FRY: variants seen among roughly 807,000 people sequenced by gnomAD.
The protein encoded by FRY is FRY microtubule binding protein.
FRY carries 128 observed loss-of-function variants against 348.4 expected under a neutral mutation model. The ratio of observed to expected loss-of-function variants is 0.37; its 90% confidence interval spans 0.32 to 0.43. The LOEUF (loss-of-function observed/expected upper bound fraction) is 0.43. Among genes scored for constraint, FRY ranks in the 20% least tolerant of loss-of-function variants. The probability of loss-of-function intolerance (pLI) is 1.00; values close to 1 mark genes in which losing one functional copy is unlikely to be tolerated. For missense variants in FRY, 2,736 were observed against 3,695.2 expected, an observed-to-expected ratio of 0.74 and a Z score of 6.73; for synonymous variants, 1,370 against 1,374.7, an observed-to-expected ratio of 1.00 and a Z score of 0.08.
At chr13:32,271,793 G>A (rs1888217728) in intron 55 of FRY, among the ~76,000 whole-genome samples, 2 of 152,222 alleles carry the variant, frequency 1.3e-5, no homozygotes, top group Admixed American at 1.3e-4. Flanking sequence ...CGCCACTCCA[G>A]CAGCAAGGCA....
intron 3 of FRY, among the ~76,000 whole-genome samples, chr13:32,106,855 G>A (rs1877582826): frequency 1.3e-5 from 2 of 152,194 alleles, no homozygotes; most frequent in Non-Finnish European, 2.9e-5. Flanking sequence ...AATGCCCAAA[G>A]TAGAACTATT....
chr13:32,216,783 G>T (rs1885016429), intron 35 of FRY, among the ~76,000 whole-genome samples: 1 of 152,296 alleles, frequency 6.6e-6, no homozygotes, highest in East Asian at 1.9e-4. Context: ...TGGCCGATTT[G>T]TATGAAACTA....
intron 47 of FRY, 119 bp downstream of exon 47, chr13:32,244,301 A>G (rs1886662969): frequency 3.3e-6 from 3 of 911,642 alleles, no homozygotes; most frequent in Non-Finnish European, 5.4e-6. Flanking sequence ...CTTGACATCC[A>G]TGGCACAGCC....
At chr13:32,194,110 T>A in intron 28 of FRY, 33 bp from the exon 29 acceptor site, 1 of 1,591,798 alleles carries the variant, frequency 6.3e-7, no homozygotes, top group Non-Finnish European at 8.6e-7. Flanking sequence ...TTTCATCAAA[T>A]GGGAATAATA....
At chr13:32,282,817 A>G (rs764798545) in intron 58 of FRY, among the ~76,000 whole-genome samples, 5 of 152,216 alleles carry the variant, frequency 3.3e-5, no homozygotes, top group Non-Finnish European at 4.4e-5. Context: ...CTTGCACAAT[A>G]TTAACTGACC....
intron 1 of FRY, 80 bp from the exon 2 acceptor site, chr13:32,078,754 A>G: frequency 9.7e-7 from 1 of 1,034,520 alleles, no homozygotes. Flanking sequence ...TCATATCCTG[A>G]TATTTATGGT....
rs764829135 is a variant in FRY at position 32,237,346 on chromosome 13, C to A, written c.5811-33C>A. ...ACTGGCTTTTGGTGACACATGTTGG[C>A]ATCCTATTAAACTTATTTATTTTTA... On this transcript the variant is annotated intron_variant, in intron 43 of 60. Transcript: ENST00000542859. This position sits in a 1 kb window ranked among gnomAD's most constrained non-coding sequence, Gnocchi z 6.3. 1 of 1,609,902 alleles carries A rather than the reference C, an allele frequency of 6.2e-7. No homozygotes were observed. The highest frequency in any genetic ancestry group is 8.5e-7 in the Non-Finnish European group (1 of 1,178,788).
Position 32,173,562 on chromosome 13 carries a change from C to A in FRY, c.2334+13C>A. 1 of 1,599,640 alleles carries A rather than the reference C, an allele frequency of 6.3e-7. No individual in the cohort carries two copies. Among genetic ancestry groups the A allele is most frequent in the Non-Finnish European group, 8.6e-7 (1 of 1,167,732 alleles). On this transcript the variant is annotated intron_variant, in intron 19 of 60. Transcript: ENST00000542859. Reference sequence around the variant, plus strand: ...GGGGCAGCCTGAGGTATGGATTAGTCTTCTGAATTTTTCCATTTCTTACTT... The same window carrying A: ...GGGGCAGCCTGAGGTATGGATTAGTATTCTGAATTTTTCCATTTCTTACTT...
chr13:32,101,833 T>A, intron 2 of FRY, 130 bp from the exon 3 acceptor site: 1 of 640,776 alleles, frequency 1.6e-6, no homozygotes. Flanking sequence ...CTCACTCATT[T>A]AAAAATTGGT....
intron 3 of FRY, among the ~76,000 whole-genome samples, chr13:32,110,084 C>T (rs1349475054): frequency 6.6e-6 from 1 of 152,198 alleles, no homozygotes; most frequent in Non-Finnish European, 1.5e-5. Context: ...AAGGCTTTTG[C>T]TGCAATGGCT....
intron 11 of FRY, among the ~76,000 whole-genome samples, chr13:32,140,525 C>T (rs1879997138): frequency 6.6e-6 from 1 of 152,074 alleles, no homozygotes; most frequent in Non-Finnish European, 1.5e-5. Flanking sequence ...CAGTAGCACT[C>T]CCTGGTCTCT....
intron 31 of FRY, among the ~76,000 whole-genome samples, chr13:32,207,337 A>C (rs1309238672): frequency 6.6e-6 from 1 of 152,154 alleles, no homozygotes; most frequent in Non-Finnish European, 1.5e-5. Flanking sequence ...TGCACCCAGA[A>C]GTCATTTTCC....
At chr13:32,183,389 A>G (rs980764282) in intron 24 of FRY, among the ~76,000 whole-genome samples, 1 of 152,238 alleles carries the variant, frequency 6.6e-6, no homozygotes, top group South Asian at 2.1e-4. Flanking sequence ...AATTTGTTTC[A>G]TCTGGCATAC....
intron 42 of FRY, 66 bp from the exon 43 acceptor site, chr13:32,236,012 A>T (rs1181065820): frequency 1.1e-5 from 12 of 1,111,612 alleles, no homozygotes; most frequent in Non-Finnish European, 1.5e-5. Flanking sequence ...ACATTAATTA[A>T]ATTTATCTTA....
At chr13:32,223,797 C>T (rs1040917176) in intron 36 of FRY, among the ~76,000 whole-genome samples, 8 of 152,050 alleles carry the variant, frequency 5.3e-5, no homozygotes, top group African/African-American at 1.4e-4. Context: ...GGCATGATCT[C>T]GGTCCACTGC....
At chr13:32,190,617 C>T (rs763246963) in intron 28 of FRY, among the ~76,000 whole-genome samples, 3 of 151,940 alleles carry the variant, frequency 2.0e-5, no homozygotes, top group Non-Finnish European at 4.4e-5. Context: ...CAGGAATAAA[C>T]CTAACAAAAA....
rs761758742 is a variant in FRY at position 32,101,948 on chromosome 13, T to G, written c.271-15T>G. 7.3e-7 allele frequency: 1 copy of G among 1,367,506 alleles called. No homozygotes were observed. The highest frequency in any genetic ancestry group is 2.3e-5 in the East Asian group (1 of 43,692). 84.7% of individuals were successfully genotyped at this position (1,367,506 alleles called of 1,614,324 possible). On this transcript the variant is annotated splice_polypyrimidine_tract_variant and intron_variant, in intron 2 of 60. Transcript: ENST00000542859. ...CTCTAATAATTATTCTTGCATATATTCTTTTTCTTTCTAGGAAAAGCCATT... is the reference window on the plus strand; with the variant it reads ...CTCTAATAATTATTCTTGCATATATGCTTTTTCTTTCTAGGAAAAGCCATT...
At chr13:32,232,728 C>G (rs963513160) in intron 41 of FRY, among the ~76,000 whole-genome samples, 1 of 152,154 alleles carries the variant, frequency 6.6e-6, no homozygotes, top group East Asian at 1.9e-4. Context: ...ATCCCATGGG[C>G]CAGAACTCGG....
intron 2 of FRY, among the ~76,000 whole-genome samples, chr13:32,094,794 T>C (rs980331613): frequency 6.6e-6 from 1 of 152,228 alleles, no homozygotes; most frequent in African/African-American, 2.4e-5. Context: ...AAATCTTGGC[T>C]ATTGTGCACA....
Sources: gnomAD v4.1 joint callset for allele counts (sites outside exome capture counted in the v4.1 genomes callset) on GRCh38, gnomAD v4.1.1 for gene constraint, Gnocchi (gnomAD v3.1) non-coding constraint, MANE v1.5 for transcripts, NCBI Gene and HGNC (gene_info 2026-07-23, HGNC 2026-07-21) for gene names.